Variants in NBEA observed in about 807,000 individuals in gnomAD.
NBEA encodes the protein neurobeachin, also known as lysosomal-trafficking regulator 2.
A neutral mutation model predicts 343.4 loss-of-function variants in NBEA; 44 were observed. That is an observed-to-expected ratio of 0.13 (90% CI 0.10 to 0.16). The LOEUF is 0.16. Ranked by LOEUF, NBEA falls within the 10% of genes least tolerant of loss-of-function variation. NBEA has a pLI of 1.00. For missense variants in NBEA, 2,555 were observed against 3,631.3 expected (o/e 0.70, Z 7.62); for synonymous variants, 1,175 against 1,238.7 (o/e 0.95, Z 1.08).
At chr13:35,495,495 C>T (rs1055725757) in intron 41 of NBEA, among the ~76,000 whole-genome samples, 2 of 152,012 alleles carry the variant, frequency 1.3e-5, no homozygotes, top group Non-Finnish European at 2.9e-5. Flanking sequence ...GACATATGCT[C>T]CTCAATTTAC....
chr13:35,212,479 T>C (rs1266063831), intron 33 of NBEA, among the ~76,000 whole-genome samples: 3 of 152,212 alleles, frequency 2.0e-5, no homozygotes, highest in African/African-American at 7.2e-5. Flanking sequence ...AGGCCACTTA[T>C]AATTACTATG....
At chr13:35,665,553 G>A (rs2085311767) in intron 56 of NBEA, among the ~76,000 whole-genome samples, 1 of 152,126 alleles carries the variant, frequency 6.6e-6, no homozygotes, top group Non-Finnish European at 1.5e-5. Flanking sequence ...CCCTCTTCAA[G>A]TCCCTTTCTT....
intron 36 of NBEA, among the ~76,000 whole-genome samples, chr13:35,341,884 A>G (rs1407370873): frequency 6.6e-6 from 1 of 152,064 alleles, no homozygotes; most frequent in Non-Finnish European, 1.5e-5. Flanking sequence ...ATACATCCTC[A>G]AGAGAATTGA....
At chr13:35,488,475 G>A (rs1004743738) in intron 41 of NBEA, among the ~76,000 whole-genome samples, 1 of 151,720 alleles carries the variant, frequency 6.6e-6, no homozygotes, top group East Asian at 1.9e-4. Context: ...ATTTTGCTTT[G>A]TCAATAAATT....
chr13:35,325,705 G>A (rs1380977541), intron 36 of NBEA, among the ~76,000 whole-genome samples: 1 of 151,866 alleles, frequency 6.6e-6, no homozygotes, highest in Non-Finnish European at 1.5e-5. Context: ...CATTCAAGAC[G>A]ATTTATCATA....
intron 10 of NBEA, among the ~76,000 whole-genome samples, chr13:35,081,913 T>C (rs1039526106): frequency 3.3e-5 from 5 of 152,056 alleles, no homozygotes; most frequent in African/African-American, 1.2e-4. Flanking sequence ...CATTTCCATT[T>C]TGGTAACTTT....
chr13:35,188,901 T>G (rs2071942893), intron 30 of NBEA, among the ~76,000 whole-genome samples: 1 of 145,620 alleles, frequency 6.9e-6, no homozygotes, highest in Non-Finnish European at 1.5e-5. Context: ...TATATTTTAC[T>G]TTTTGTTTTT....
chr13:35,243,542 C>A (rs1408161440), intron 34 of NBEA, among the ~76,000 whole-genome samples: 1 of 151,710 alleles, frequency 6.6e-6, no homozygotes, highest in Non-Finnish European at 1.5e-5. Flanking sequence ...TCTAAGGACA[C>A]ATAGAAGTTT....
chr13:34,980,166 T>A (rs2060310170), intron 1 of NBEA, among the ~76,000 whole-genome samples: 1 of 152,064 alleles, frequency 6.6e-6, no homozygotes. Flanking sequence ...TGTTTTGCCC[T>A]AGGATTGCCT....
In NBEA at chr13:35,646,327, T is replaced by C. The variant is rs199870187; in HGVS notation, c.7749T>C (p.Pro2583=). 8.1e-6 allele frequency: 13 copies of C among 1,613,678 alleles called. No homozygotes were observed. Among genetic ancestry groups the C allele is most frequent in the Non-Finnish European group, 1.0e-5 (12 of 1,179,708 alleles). The change falls in exon 51 of 59, where the codon CCT becomes CCC. Residue 2583 remains proline (P), a synonymous_variant. Coordinates refer to ENST00000379939, the MANE Select transcript of NBEA (RefSeq NM_001385012.1). ...AGTTGCTTATTGAGCCACATCCGCC[T>C]CGGAGCTCTGCCATGCACCTGGTAA... ...PSQLLIEPHP[P]RSSAMHLCFL...
At chr13:35,312,347 A>G (rs1035117357) in intron 36 of NBEA, among the ~76,000 whole-genome samples, 1 of 144,868 alleles carries the variant, frequency 6.9e-6, no homozygotes, top group East Asian at 1.9e-4. Context: ...GCCAAGTGAG[A>G]AAAAAAAGTA....
chr13:35,171,396 T>C lies in NBEA; in HGVS notation c.4367T>C (p.Ile1456Thr), dbSNP rs911451865. ...GCAAGCTCTCTAAATTTTAGTGAGATTGAAGCTGAGAAAAACATGTCTTCT... is the reference window on the plus strand; with the variant it reads ...GCAAGCTCTCTAAATTTTAGTGAGACTGAAGCTGAGAAAAACATGTCTTCT... ...VFASSLNFSEIEAEKNMSSGG... is the reference protein window; with the variant it reads ...VFASSLNFSETEAEKNMSSGG... The change falls in exon 26 of 59, where the codon ATT (isoleucine) becomes ACT (threonine). Residue 1456 changes from isoleucine to threonine, a missense_variant. Coordinates refer to ENST00000379939, the MANE Select transcript of NBEA (RefSeq NM_001385012.1). 3 of 1,612,174 alleles carry C rather than the reference T, an allele frequency of 1.9e-6. No individual in the cohort carries two copies. Among genetic ancestry groups the C allele is most frequent in the Non-Finnish European group, 2.5e-6 (3 of 1,178,594 alleles).
chr13:35,194,069 A>T (rs1593692690), intron 30 of NBEA, among the ~76,000 whole-genome samples: 1 of 152,142 alleles, frequency 6.6e-6, no homozygotes, highest in Middle Eastern at 3.4e-3. Context: ...CATTTTTCTG[A>T]TGCTTATCCT....
chr13:35,636,155 C>A (rs1294218102), intron 49 of NBEA, among the ~76,000 whole-genome samples: 1 of 152,178 alleles, frequency 6.6e-6, no homozygotes, highest in East Asian at 1.9e-4. Flanking sequence ...ACAGTTGTTA[C>A]CTCAGCATAA....
rs1211814692 is a variant in NBEA, at chr13:35,468,022, A to T, written c.6449-4378A>T. 6.6e-5 allele frequency among the ~76,000 whole-genome samples: 10 copies of T among 152,142 alleles called. No individual in the cohort carries two copies. In the South Asian group the frequency reaches 1.5e-3, roughly 22 times the overall value. ...GTGCTTTACATTGAAAGTTGTAAAG[A>T]AGCTTAGCATTACTTGGAAATTTAA... On this transcript the variant is annotated intron_variant, in intron 40 of 58. Coordinates refer to ENST00000379939, the MANE Select transcript of NBEA (RefSeq NM_001385012.1).
intron 36 of NBEA, among the ~76,000 whole-genome samples, chr13:35,324,587 T>C (rs1423962520): frequency 6.6e-6 from 1 of 152,158 alleles, no homozygotes; most frequent in East Asian, 1.9e-4. Flanking sequence ...CCTGAATAAA[T>C]ACTTAGAAAA....
intron 23 of NBEA, among the ~76,000 whole-genome samples, chr13:35,163,344 T>G (rs1021512025): frequency 1.3e-5 from 2 of 152,152 alleles, no homozygotes; most frequent in Admixed American, 1.3e-4. Flanking sequence ...TTTTTAATCT[T>G]ATTTTTTTCC....
intron 44 of NBEA, among the ~76,000 whole-genome samples, chr13:35,557,784 G>A (rs550450500): frequency 7.2e-5 from 11 of 152,228 alleles, no homozygotes; most frequent in Admixed American, 2.6e-4. Context: ...CATTGCTATC[G>A]TGAATGCTGC....
At chr13:35,301,872 G>A (rs571059092) in intron 35 of NBEA, among the ~76,000 whole-genome samples, 15 of 152,100 alleles carry the variant, frequency 9.9e-5, no homozygotes, top group South Asian at 6.2e-4. Flanking sequence ...TTTAATGATC[G>A]CCATTCTAAC....
Sources: gnomAD v4.1 joint callset for allele counts (sites outside exome capture counted in the v4.1 genomes callset) on GRCh38, gnomAD v4.1.1 for gene constraint, MANE v1.5 for transcripts, NCBI Gene and HGNC (gene_info 2026-07-23, HGNC 2026-07-21) for gene names.